Variants in GLIS3 observed in about 807,000 individuals in gnomAD.
GLIS3 encodes zinc finger protein GLIS3.
Under a neutral mutation model 78.6 loss-of-function variants are expected in GLIS3, and 53 were observed. That is an observed-to-expected ratio of 0.67 (90% CI 0.54 to 0.85). The LOEUF (loss-of-function observed/expected upper bound fraction) is 0.85, where lower values mean the gene tolerates loss of function less well. GLIS3 is among the 40% of genes least tolerant of loss of function. The pLI, the probability that GLIS3 is intolerant of heterozygous loss-of-function variation, is 0.00. For missense variants in GLIS3, 1,703 were observed against 1,231.1 expected (o/e 1.38, Z -5.74); for synonymous variants, 684 against 509.9 (o/e 1.34, Z -4.60).
chr9:4,292,143 A>G (rs566761033), intron 1 of GLIS3, among the ~76,000 whole-genome samples: 51 of 152,298 alleles, frequency 3.3e-4, no homozygotes, highest in Non-Finnish European at 7.1e-4. Context: ...CTACATCTAC[A>G]TTCAATGAAG....
chr9:4,208,883 G>C (rs1399881533), intron 2 of GLIS3, among the ~76,000 whole-genome samples: 1 of 152,166 alleles, frequency 6.6e-6, no homozygotes, highest in South Asian at 2.1e-4. Context: ...AAAGCCTCCA[G>C]CTTTCATGAT....
chr9:3,828,678 C>CA (rs1330680045), intron 10 of GLIS3, among the ~76,000 whole-genome samples: 2 of 152,012 alleles, frequency 1.3e-5, no homozygotes, highest in African/African-American at 4.8e-5. Context: ...GGGGTGGCCT[C>CA]AAAAAGGAGC....
intron 4 of GLIS3, among the ~76,000 whole-genome samples, chr9:4,089,833 C>A (rs1829343548): frequency 6.6e-6 from 1 of 152,086 alleles, no homozygotes; most frequent in Non-Finnish European, 1.5e-5. Context: ...ACAACAAAAA[C>A]CCATAAAAAA....
intron 2 of GLIS3, among the ~76,000 whole-genome samples, chr9:4,208,530 G>A (rs7868134): frequency 0.64 from 97,111 of 152,040 alleles, 31,298 homozygotes; most frequent in Middle Eastern, 0.71. Context: ...TGCCATTGCT[G>A]GAGTGGGCAG....
intron 2 of GLIS3, among the ~76,000 whole-genome samples, chr9:4,176,198 A>C (rs925620808): frequency 1.3e-5 from 2 of 152,232 alleles, no homozygotes; most frequent in Non-Finnish European, 2.9e-5. Context: ...AGGAAGAGAA[A>C]AAAACTCATT....
the GLIS3 span, among the ~76,000 whole-genome samples, chr9:4,381,514 T>C: frequency 2.6e-5 from 4 of 152,314 alleles, no homozygotes; most frequent in East Asian, 3.9e-4. Flanking sequence ...CATGGTCACA[T>C]AGTACTCACA....
At chr9:4,484,248 A>AT in the GLIS3 span, among the ~76,000 whole-genome samples, 4 of 145,902 alleles carry the variant, frequency 2.7e-5, no homozygotes, top group African/African-American at 5.2e-5. Context: ...TATTTTTTTT[A>AT]TTTTTTTGAG....
chr9:4,241,466 C>T (rs1053555641), intron 2 of GLIS3, among the ~76,000 whole-genome samples: 2 of 152,060 alleles, frequency 1.3e-5, no homozygotes, highest in Non-Finnish European at 2.9e-5. Context: ...ATAATTCAAA[C>T]GTTTCTACCT....
chr9:4,105,423 T>A (rs1236166077), intron 4 of GLIS3, among the ~76,000 whole-genome samples: 2 of 152,178 alleles, frequency 1.3e-5, no homozygotes, highest in African/African-American at 2.4e-5. Context: ...ATGGACTTTA[T>A]TTTTCCTTTT....
the GLIS3 span, among the ~76,000 whole-genome samples, chr9:4,367,603 C>G: frequency 3.8e-5 from 5 of 132,734 alleles, no homozygotes; most frequent in African/African-American, 5.9e-5. Context: ...CACTGCACTC[C>G]AGCCCGGGCA....
chr9:4,437,349 A>T, the GLIS3 span, among the ~76,000 whole-genome samples: 1 of 151,976 alleles, frequency 6.6e-6, no homozygotes, highest in African/African-American at 2.4e-5. Context: ...TTTGAATGAG[A>T]TTGTTTTATT....
chr9:4,432,671 TG>T, the GLIS3 span, among the ~76,000 whole-genome samples: 1 of 149,722 alleles, frequency 6.7e-6, no homozygotes, highest in Non-Finnish European at 1.5e-5. Flanking sequence ...GACAGAGTTT[TG>T]CTCTGCCACC....
intron 4 of GLIS3, among the ~76,000 whole-genome samples, chr9:3,988,057 A>C (rs1354204826): frequency 2.0e-5 from 3 of 152,130 alleles, no homozygotes; most frequent in African/African-American, 7.2e-5. Flanking sequence ...TACATTGTGA[A>C]ATATTCACCA....
chr9:4,319,185 T>C (rs1251914211), intron 2 of GLIS3, among the ~76,000 whole-genome samples: 1 of 152,222 alleles, frequency 6.6e-6, no homozygotes, highest in African/African-American at 2.4e-5. Context: ...AAATTGAATA[T>C]TAATTGTATA....
In GLIS3 at chr9:4,004,689, A is replaced by C. The variant is rs562952534; in HGVS notation, c.1711-67500T>G. ...TACAATGGAAATGGGGGTACTGCTT[A>C]TTAGCCCTAAAGTTTCATAGAACAC... On this transcript the variant is annotated intron_variant, in intron 4 of 10. Transcript: ENST00000381971. 3.8e-4 allele frequency among the ~76,000 whole-genome samples: 58 copies of C among 152,344 alleles called. 4 individuals are homozygous for C. In the South Asian group the frequency reaches 0.012, roughly 30 times the overall value.
chr9:4,291,033 A>C (rs1258098527), intron 1 of GLIS3, among the ~76,000 whole-genome samples: 6 of 152,166 alleles, frequency 3.9e-5, no homozygotes, highest in South Asian at 2.1e-4. Flanking sequence ...AGTTACACAG[A>C]AACAGAACTG....
chr9:4,048,290 A>C (rs549283050), intron 4 of GLIS3, among the ~76,000 whole-genome samples: 10 of 152,330 alleles, frequency 6.6e-5, no homozygotes, highest in African/African-American at 2.4e-4. Flanking sequence ...TGTGAGGATC[A>C]AGAAAACATG....
chr9:4,252,009 C>T (rs946186923), intron 2 of GLIS3, among the ~76,000 whole-genome samples: 2 of 152,140 alleles, frequency 1.3e-5, no homozygotes, highest in Non-Finnish European at 2.9e-5. Context: ...TGTGGGTAAC[C>T]GGACCTTTCT....
At chr9:4,094,076 C>T (rs968065296) in intron 4 of GLIS3, among the ~76,000 whole-genome samples, 9 of 152,170 alleles carry the variant, frequency 5.9e-5, no homozygotes, top group African/African-American at 2.2e-4. Flanking sequence ...TCCGTGGATG[C>T]TTCCCAATCA....
Sources: gnomAD v4.1 joint callset for allele counts (sites outside exome capture counted in the v4.1 genomes callset) on GRCh38, gnomAD v4.1.1 for gene constraint, MANE v1.5 for transcripts, NCBI Gene and HGNC (gene_info 2026-07-23, HGNC 2026-07-21) for gene names.